KIF13B: variants seen among roughly 807,000 people sequenced by gnomAD.
KIF13B encodes the protein kinesin-like protein KIF13B.
In KIF13B, 127 loss-of-function variants were observed where a neutral mutation model predicts 222.0. The ratio of observed to expected loss-of-function variants is 0.57; its 90% CI spans 0.50 to 0.66. The LOEUF (loss-of-function observed/expected upper bound fraction) is 0.66. Ranked by LOEUF, KIF13B falls within the 30% of genes least tolerant of loss-of-function variation. The pLI is 0.00. For synonymous variants in KIF13B, 976 were observed against 919.0 expected (o/e 1.06, Z -1.12); for missense variants, 2,173 against 2,379.0 (o/e 0.91, Z 1.80).
intron 37 of KIF13B, among the ~76,000 whole-genome samples, chr8:29,083,313 T>C (rs572772085): frequency 6.6e-6 from 1 of 152,372 alleles, no homozygotes; most frequent in Non-Finnish European, 1.5e-5. Flanking sequence ...TGTTTAATAC[T>C]GTCTATAGCT....
At chr8:29,193,177 G>A (rs79327118) in intron 3 of KIF13B, among the ~76,000 whole-genome samples, 5,003 of 152,272 alleles carry the variant, frequency 0.033, 279 homozygotes, top group African/African-American at 0.11. Flanking sequence ...GACCCCCAGC[G>A]GCTGACAGCC....
At chr8:29,156,511 TTTTA>T (rs1563747745) in intron 13 of KIF13B, among the ~76,000 whole-genome samples, 2 of 151,974 alleles carry the variant, frequency 1.3e-5, no homozygotes, top group African/African-American at 2.4e-5. Context: ...GTCACTTATT[TTTTA>T]TTTATTTATT....
At position 29,109,968 on chromosome 8, in the gene KIF13B, T is replaced by C. The variant is rs763561548; in HGVS notation, c.4033A>G (p.Arg1345Gly). 7.4e-6 allele frequency: 12 copies of C among 1,613,054 alleles called. No individual in the cohort carries two copies. Among genetic ancestry groups the C allele is most frequent in the Admixed American group, 1.7e-5 (1 of 59,868 alleles). ...AGGTTTTCTACAGCCAGCACGCTCC[T>C]GAGGTACTTTTCAATATAAGCCTCC... Reference protein sequence around the residue: ...DSEAYIEKYLRSVLAVENLLT... With the variant: ...DSEAYIEKYLGSVLAVENLLT... The change falls in exon 33 of 40, where the codon AGG becomes GGG. Residue 1345 changes from arginine to glycine, a missense_variant. This residue lies in a region of KIF13B where 1,480 missense variants were observed against 1,722.8 expected (regional missense o/e 0.86). Coordinates refer to ENST00000524189, the MANE Select transcript of KIF13B (RefSeq NM_015254.4).
At chr8:29,166,077 A>C (rs1373324792) in intron 11 of KIF13B, among the ~76,000 whole-genome samples, 1 of 152,210 alleles carries the variant, frequency 6.6e-6, no homozygotes, top group Non-Finnish European at 1.5e-5. Flanking sequence ...TAAAATCCTA[A>C]TAGGTTATAC....
chr8:29,130,046 C>T (rs1810278306), intron 24 of KIF13B, among the ~76,000 whole-genome samples: 1 of 152,170 alleles, frequency 6.6e-6, no homozygotes, highest in Non-Finnish European at 1.5e-5. Context: ...TCCTTGTCTT[C>T]CTAAATGTTC....
chr8:29,086,450 G>A (rs148245157), intron 37 of KIF13B, among the ~76,000 whole-genome samples: 1 of 152,306 alleles, frequency 6.6e-6, no homozygotes, highest in Non-Finnish European at 1.5e-5. Flanking sequence ...GAGCCAAGGA[G>A]TTCAAGGCGG....
At chr8:29,087,639 C>G (rs1248342664) in intron 37 of KIF13B, among the ~76,000 whole-genome samples, 1 of 152,186 alleles carries the variant, frequency 6.6e-6, no homozygotes, top group Non-Finnish European at 1.5e-5. Context: ...CACGCTGCGT[C>G]GGTAGAGGCC....
intron 13 of KIF13B, among the ~76,000 whole-genome samples, chr8:29,156,511 T>TTTTA (rs1563747745): frequency 6.6e-6 from 1 of 151,858 alleles, no homozygotes; most frequent in Non-Finnish European, 1.5e-5. Flanking sequence ...GTCACTTATT[T>TTTTA]TTTATTTATT....
At chr8:29,103,810 G>A (rs761773777) in intron 35 of KIF13B, among the ~76,000 whole-genome samples, 21 of 152,080 alleles carry the variant, frequency 1.4e-4, no homozygotes, top group Non-Finnish European at 2.6e-4. Flanking sequence ...TCCTCACTAA[G>A]TTACTCGGGG....
At chr8:29,238,254 C>T (rs937320666) in intron 2 of KIF13B, among the ~76,000 whole-genome samples, 1 of 152,222 alleles carries the variant, frequency 6.6e-6, no homozygotes, top group Non-Finnish European at 1.5e-5. Flanking sequence ...CTGAAAATGA[C>T]TTCATGTATG....
chr8:29,113,186 C>T (rs563088814), intron 32 of KIF13B, among the ~76,000 whole-genome samples: 2 of 152,222 alleles, frequency 1.3e-5, no homozygotes, highest in Non-Finnish European at 2.9e-5. Flanking sequence ...TGCCTCCCTT[C>T]CTGGGTACAA....
At chr8:29,187,530 CAAAAT>C (rs1311622420) in intron 5 of KIF13B, among the ~76,000 whole-genome samples, 6 of 151,888 alleles carry the variant, frequency 4.0e-5, no homozygotes, top group Admixed American at 6.6e-5. Context: ...GACTCCGTCT[CAAAAT>C]AAAAGATTTT....
At chr8:29,251,924 G>A (rs79651764) in intron 1 of KIF13B, among the ~76,000 whole-genome samples, 6 of 151,898 alleles carry the variant, frequency 4.0e-5, no homozygotes, top group Non-Finnish European at 4.4e-5. Context: ...AAGTAGTACT[G>A]TAAGTTTATT....
chr8:29,110,158 A>T (rs951551385), intron 32 of KIF13B, 88 bp from the exon 33 acceptor site: 2 of 1,127,848 alleles, frequency 1.8e-6, no homozygotes, highest in African/African-American at 3.2e-5. Context: ...CACAGAACGT[A>T]TTCCAAAATT....
At chr8:29,216,167 C>T (rs1814470130) in intron 2 of KIF13B, among the ~76,000 whole-genome samples, 1 of 152,158 alleles carries the variant, frequency 6.6e-6, no homozygotes, top group African/African-American at 2.4e-5. Flanking sequence ...ATACCTGGTA[C>T]ACTTTAATAC....
chr8:29,194,376 T>C (rs1251945546), intron 3 of KIF13B, among the ~76,000 whole-genome samples: 3 of 151,928 alleles, frequency 2.0e-5, no homozygotes, highest in African/African-American at 7.3e-5. Context: ...GAGAGGCTAT[T>C]CCCAAAGTAA....
At position 29,105,809 on chromosome 8, in the gene KIF13B, G is replaced by A. The variant is rs544429498; in HGVS notation, c.4215+2330C>T. 4.0e-5 allele frequency among the ~76,000 whole-genome samples: 6 copies of A among 151,518 alleles called. No homozygotes were observed. The South Asian group carries it at 1.3e-3, about 32-fold the overall frequency. ...GAGTAGCTGGGATTACAGGCGCCTGGCACCACACCCAGCTAATTTTTGTAT... is the reference window on the plus strand; with the variant it reads ...GAGTAGCTGGGATTACAGGCGCCTGACACCACACCCAGCTAATTTTTGTAT... On this transcript the variant is annotated intron_variant, in intron 35 of 39. Coordinates refer to ENST00000524189, the MANE Select transcript of KIF13B (RefSeq NM_015254.4).
intron 6 of KIF13B, among the ~76,000 whole-genome samples, chr8:29,183,083 T>G (rs1812778655): frequency 6.6e-6 from 1 of 152,140 alleles, no homozygotes; most frequent in Non-Finnish European, 1.5e-5. Flanking sequence ...TGTTTATCCT[T>G]ATTTTAAATC....
chr8:29,123,616 A>G, intron 27 of KIF13B, 124 bp from the exon 28 acceptor site: 7 of 1,251,814 alleles, frequency 5.6e-6, no homozygotes, highest in Non-Finnish European at 6.8e-6. Flanking sequence ...CCAGTGATAA[A>G]AACTAACCCA....
Sources: allele counts gnomAD v4.1 joint callset (sites outside exome capture counted in the v4.1 genomes callset), GRCh38; gene constraint gnomAD v4.1.1; regional missense constraint gnomAD v4.1.1; transcripts MANE v1.5; gene names NCBI Gene and HGNC (gene_info 2026-07-23, HGNC 2026-07-21).